Variants in HEPH observed in about 807,000 individuals in gnomAD.
HEPH encodes the protein hephaestin.
A neutral mutation model predicts 80.8 loss-of-function variants in HEPH; 69 were observed. That is an observed-to-expected ratio of 0.85 (90% CI 0.70 to 1.04). The LOEUF is 1.04. HEPH is among the 50% of genes least tolerant of loss of function. The probability of loss-of-function intolerance (pLI) is 0.00; values close to 1 mark genes in which losing one functional copy is unlikely to be tolerated. For synonymous variants in HEPH, 431 were observed against 322.8 expected (o/e 1.34, Z -3.60); for missense variants, 1,115 against 891.3 (o/e 1.25, Z -3.20).
At chrX:66,242,804 G>A (rs1365118057) in intron 15 of HEPH, among the ~76,000 whole-genome samples, 9 of 111,509 alleles carry the variant, frequency 8.1e-5, no homozygotes, top group African/African-American at 2.3e-4. Flanking sequence ...GATTGAAACC[G>A]CAATGAGATG....
intron 15 of HEPH, among the ~76,000 whole-genome samples, chrX:66,253,544 G>T (rs1270678199): frequency 8.9e-6 from 1 of 112,165 alleles, no homozygotes; most frequent in Admixed American, 9.4e-5. Context: ...ACGTGCTTTG[G>T]AAAGCAGTTT....
At chrX:66,173,533 A>G (rs1356549104) in intron 3 of HEPH, 56 bp from the exon 4 acceptor site, 6 of 901,589 alleles carry the variant, frequency 6.7e-6, no homozygotes, top group African/African-American at 5.9e-5. Flanking sequence ...TAATTTATGT[A>G]TTTGCCACGG....
At chrX:66,172,729 T>G (rs1292635632) in intron 3 of HEPH, 130 bp downstream of exon 3, 53 of 691,622 alleles carry the variant, frequency 7.7e-5, no homozygotes, top group Non-Finnish European at 1.1e-4. Context: ...GCAAAGACTC[T>G]CCTCAGAGTA....
intron 15 of HEPH, among the ~76,000 whole-genome samples, chrX:66,245,441 A>G (rs1202982299): frequency 1.8e-5 from 2 of 112,053 alleles, no homozygotes; most frequent in Non-Finnish European, 3.8e-5. Flanking sequence ...TATCCTAAAT[A>G]TATGTGCACC....
intron 15 of HEPH, among the ~76,000 whole-genome samples, chrX:66,229,019 C>A (rs1418822302): frequency 8.9e-6 from 1 of 112,315 alleles, no homozygotes; most frequent in African/African-American, 3.2e-5. Flanking sequence ...TCCAGCAATT[C>A]CACTCCTGCG....
intron 12 of HEPH, among the ~76,000 whole-genome samples, chrX:66,201,954 A>G (rs774131145): frequency 8.9e-6 from 1 of 112,226 alleles, no homozygotes; most frequent in East Asian, 2.8e-4. Context: ...AAATGAGTAG[A>G]CCCTTTCTTT....
chrX:66,212,959 T>A (rs1289975099), intron 15 of HEPH, among the ~76,000 whole-genome samples: 4 of 110,836 alleles, frequency 3.6e-5, no homozygotes, highest in Admixed American at 9.6e-5. Flanking sequence ...TGATTTTTTT[T>A]ATTTGTTTTT....
intron 1 of HEPH, among the ~76,000 whole-genome samples, chrX:66,167,882 A>G (rs1480115184): frequency 8.9e-6 from 1 of 112,345 alleles, no homozygotes; most frequent in African/African-American, 3.2e-5. Flanking sequence ...TTCACCCTGA[A>G]CAAGTATTAG....
intron 15 of HEPH, among the ~76,000 whole-genome samples, chrX:66,209,248 G>A (rs1321183051): frequency 2.7e-5 from 3 of 112,188 alleles, no homozygotes; most frequent in Middle Eastern, 4.6e-3. Context: ...TGAATAGTCA[G>A]GAATGGTTTT....
chrX:66,207,410 G>A (rs2088853392), intron 14 of HEPH, 76 bp downstream of exon 14: 1 of 755,106 alleles, frequency 1.3e-6, no homozygotes, highest in Admixed American at 4.1e-5. Context: ...TACCAGGATG[G>A]CCTCACTATT....
At chrX:66,177,858 C>G (rs185563674) in intron 4 of HEPH, among the ~76,000 whole-genome samples, 4 of 111,410 alleles carry the variant, frequency 3.6e-5, no homozygotes, top group African/African-American at 3.3e-5. Context: ...GCGTTTAGAG[C>G]TATGAACTTC....
At position 66,193,610 on chromosome X, in the gene HEPH, G is replaced by A. The variant is rs766564171; in HGVS notation, c.1341G>A (p.Leu447=). 2 of 1,191,901 alleles carry A rather than the reference G, an allele frequency of 1.7e-6. No homozygotes were observed. The highest frequency in any genetic ancestry group is 3.0e-5 in the East Asian group (1 of 33,354). ...AGACATTCCAAGAGAAGATGCATTT[G>A]GAGGAAGATAGGCATCTTGGAATCC... ...QDETFQEKMH[L]EEDRHLGILG... Residue 447 remains leucine, a synonymous_variant, in exon 8 of 21, where the codon TTG becomes TTA. Coordinates refer to ENST00000343002, the MANE Select transcript of HEPH (RefSeq NM_001367233.3).
At chrX:66,231,029 A>G (rs1215172511) in intron 15 of HEPH, among the ~76,000 whole-genome samples, 1 of 108,635 alleles carries the variant, frequency 9.2e-6, no homozygotes, top group African/African-American at 3.3e-5. Context: ...TTTATTAAAT[A>G]GGGAATCCTT....
intron 15 of HEPH, among the ~76,000 whole-genome samples, chrX:66,235,239 A>G (rs1231761991): frequency 8.9e-6 from 1 of 111,747 alleles, no homozygotes; most frequent in African/African-American, 3.2e-5. Flanking sequence ...TGTTGCAATT[A>G]CTTCCTGTGT....
chrX:66,215,074 ATAT>A (rs1488045113), intron 15 of HEPH, among the ~76,000 whole-genome samples: 1 of 111,365 alleles, frequency 9.0e-6, no homozygotes, highest in Non-Finnish European at 1.9e-5. Flanking sequence ...TTACATCTTT[ATAT>A]TATTTGTTGG....
At chrX:66,205,191 G>A (rs1394935604) in intron 13 of HEPH, among the ~76,000 whole-genome samples, 1 of 111,781 alleles carries the variant, frequency 8.9e-6, no homozygotes, top group Non-Finnish European at 1.9e-5. Context: ...CATGTTATGT[G>A]ATGCTGAGGT....
chrX:66,267,561 TG>T (rs1435749421), downstream of HEPH: 2 of 111,614 alleles, frequency 1.8e-5, no homozygotes, highest in African/African-American at 6.5e-5. Flanking sequence ...CAAAGAGTGC[TG>T]GGTACCACCC....
At chrX:66,247,541 T>G (rs1044256357) in intron 15 of HEPH, among the ~76,000 whole-genome samples, 2 of 111,321 alleles carry the variant, frequency 1.8e-5, no homozygotes, top group African/African-American at 6.5e-5. Context: ...TATTTATATT[T>G]GAATTTTGTT....
At chrX:66,228,035 A>C (rs976581262) in intron 15 of HEPH, among the ~76,000 whole-genome samples, 18 of 111,819 alleles carry the variant, frequency 1.6e-4, no homozygotes, top group Middle Eastern at 9.2e-3. Flanking sequence ...TGATAAATAC[A>C]TACCTGAGAC....
Sources: allele counts gnomAD v4.1 joint callset (sites outside exome capture counted in the v4.1 genomes callset), GRCh38; gene constraint gnomAD v4.1.1; transcripts MANE v1.5; gene names NCBI Gene and HGNC (gene_info 2026-07-23, HGNC 2026-07-21).